RECK: variants seen among roughly 807,000 people sequenced by gnomAD.
RECK encodes the protein reversion inducing cysteine rich protein with kazal motifs.
Under a neutral mutation model 115.1 loss-of-function variants are expected in RECK, and 69 were observed. The observed-to-expected ratio is 0.60, with a 90% CI of 0.49 to 0.73. The LOEUF is 0.73. RECK is among the 30% of genes least tolerant of loss of function. The probability of loss-of-function intolerance (pLI) is 0.00; values close to 1 mark genes in which losing one functional copy is unlikely to be tolerated. For synonymous variants in RECK, 414 were observed against 419.7 expected (o/e 0.99, Z 0.17); for missense variants, 1,047 against 1,203.7 (o/e 0.87, Z 1.93).
chr9:36,105,767 A>G (rs1287554679), intron 13 of RECK, among the ~76,000 whole-genome samples: 5 of 152,214 alleles, frequency 3.3e-5, no homozygotes, highest in Admixed American at 6.5e-5. Context: ...ATGTTGAAAT[A>G]TATATAACTT....
At chr9:36,117,250 A>C in intron 17 of RECK, 73 bp downstream of exon 17, 1 of 1,250,380 alleles carries the variant, frequency 8.0e-7, no homozygotes, top group Non-Finnish European at 1.1e-6. Context: ...CAGATGAATC[A>C]ACAGTAAGAC....
At chr9:36,113,945 T>C (rs928297733) in intron 16 of RECK, among the ~76,000 whole-genome samples, 1 of 151,964 alleles carries the variant, frequency 6.6e-6, no homozygotes, top group African/African-American at 2.4e-5. Flanking sequence ...TTTCACAGAG[T>C]AGATAATTAC....
At chr9:36,063,945 T>C in intron 5 of RECK, 65 bp downstream of exon 5, 1 of 1,490,218 alleles carries the variant, frequency 6.7e-7, no homozygotes, top group Non-Finnish European at 9.4e-7. Context: ...TGTGCACATG[T>C]CTTGGGCCTT....
At chr9:36,043,040 T>G (rs1588261360) in intron 1 of RECK, among the ~76,000 whole-genome samples, 2 of 118,790 alleles carry the variant, frequency 1.7e-5, no homozygotes, top group East Asian at 2.5e-4. Context: ...TTTTTTTTTT[T>G]GTTGAGACGG....
chr9:36,120,247 A>T (rs1407550731), intron 18 of RECK, among the ~76,000 whole-genome samples: 1 of 152,066 alleles, frequency 6.6e-6, no homozygotes, highest in African/African-American at 2.4e-5. Context: ...AAAAAAAAAA[A>T]ATTAAATTTG....
chr9:36,115,922 G>GA (rs1824241586), intron 16 of RECK, among the ~76,000 whole-genome samples: 1 of 151,992 alleles, frequency 6.6e-6, no homozygotes. Context: ...TAGGAAAGCA[G>GA]AAAAAAGCCT....
intron 6 of RECK, among the ~76,000 whole-genome samples, chr9:36,069,657 G>C (rs1399533076): frequency 6.6e-6 from 1 of 152,100 alleles, no homozygotes; most frequent in Admixed American, 6.6e-5. Flanking sequence ...GAAACACAGA[G>C]GGGCATGGGG....
intron 2 of RECK, among the ~76,000 whole-genome samples, chr9:36,055,315 G>A (rs756427145): frequency 2.1e-4 from 32 of 152,218 alleles, no homozygotes; most frequent in Admixed American, 5.9e-4. Flanking sequence ...ATAAGTATGT[G>A]TTTATCAGTT....
intron 18 of RECK, among the ~76,000 whole-genome samples, chr9:36,120,076 T>TA (rs1383571752): frequency 2.6e-5 from 4 of 151,320 alleles, no homozygotes; most frequent in Non-Finnish European, 5.9e-5. Flanking sequence ...CTACTAAAAA[T>TA]ACAAAAAAAT....
intron 2 of RECK, among the ~76,000 whole-genome samples, chr9:36,058,306 G>C (rs1238753460): frequency 1.3e-5 from 2 of 149,486 alleles, no homozygotes; most frequent in Non-Finnish European, 3.0e-5. Context: ...TATACACCAT[G>C]GAATACTATG....
intron 20 of RECK, among the ~76,000 whole-genome samples, 173 bp from the exon 21 acceptor site, chr9:36,122,651 G>A (rs1824504423): frequency 6.6e-6 from 1 of 152,084 alleles, no homozygotes. Flanking sequence ...CTATATTTAT[G>A]TAATAAACTA....
intron 19 of RECK, 23 bp downstream of exon 19, chr9:36,120,759 G>A (rs1199215416): frequency 6.9e-7 from 1 of 1,445,888 alleles, no homozygotes; most frequent in Non-Finnish European, 9.7e-7. Flanking sequence ...ATATTCAGAT[G>A]CTATTGAAAT....
chr9:36,043,693 G>A (rs781265773), intron 1 of RECK, among the ~76,000 whole-genome samples: 1 of 152,094 alleles, frequency 6.6e-6, no homozygotes, highest in Non-Finnish European at 1.5e-5. Flanking sequence ...GTTGATTTTT[G>A]TATGACGTGA....
chr9:36,064,664 C>T (rs1413114479), intron 5 of RECK, among the ~76,000 whole-genome samples: 1 of 152,200 alleles, frequency 6.6e-6, no homozygotes, highest in East Asian at 1.9e-4. Flanking sequence ...CAGCACATGA[C>T]CTAGCTGTCT....
In RECK at chr9:36,091,346, A is replaced by G. The variant is rs1823148753; in HGVS notation, c.1085+3A>G. On this transcript the variant is annotated splice_donor_region_variant and intron_variant, in intron 10 of 20. Transcript: ENST00000377966. ...TACTGTACTAATTTTAACAACAGGT[A>G]AGACAAATTATTATACATGGAATGG... 6.7e-7 allele frequency: 1 copy of G among 1,483,254 alleles called. No individual in the cohort carries two copies. Among genetic ancestry groups the G allele is most frequent in the African/African-American group, 1.4e-5 (1 of 69,336 alleles). 91.9% of individuals were successfully genotyped at this position (1,483,254 alleles called of 1,614,324 possible).
intron 16 of RECK, among the ~76,000 whole-genome samples, chr9:36,114,579 G>A (rs1824185143): frequency 6.6e-6 from 1 of 152,152 alleles, no homozygotes; most frequent in Admixed American, 6.6e-5. Context: ...AAATAAGAAA[G>A]TGGTAGCTCA....
intron 7 of RECK, among the ~76,000 whole-genome samples, chr9:36,083,068 C>T (rs140638848): frequency 6.6e-6 from 1 of 152,288 alleles, no homozygotes; most frequent in African/African-American, 2.4e-5. Flanking sequence ...GCAGCCCTAA[C>T]CCTCATGTAC....
chr9:36,111,691 G>A (rs948072116), intron 15 of RECK, among the ~76,000 whole-genome samples: 7 of 152,096 alleles, frequency 4.6e-5, no homozygotes, highest in Non-Finnish European at 1.0e-4. Context: ...ACTGTGCCCA[G>A]CCCACTCTTT....
intron 7 of RECK, among the ~76,000 whole-genome samples, chr9:36,081,592 G>A (rs929129345): frequency 6.6e-6 from 1 of 152,132 alleles, no homozygotes; most frequent in African/African-American, 2.4e-5. Context: ...CCAGCACTTT[G>A]CGAGGCAGAG....
Sources: allele counts gnomAD v4.1 joint callset (sites outside exome capture counted in the v4.1 genomes callset), GRCh38; gene constraint gnomAD v4.1.1; transcripts MANE v1.5; gene names NCBI Gene and HGNC (gene_info 2026-07-23, HGNC 2026-07-21).